Variants in SLC5A4 observed in about 807,000 individuals in gnomAD.
The protein encoded by SLC5A4 is solute carrier family 5 member 4, also known as probable glucose sensor protein SLC5A4.
A neutral mutation model predicts 70.3 loss-of-function variants in SLC5A4; 55 were observed. The observed-to-expected ratio is 0.78, with a 90% confidence interval of 0.63 to 0.98. The LOEUF is 0.98. SLC5A4 is among the 50% of genes least tolerant of loss of function. The pLI is 0.00. For synonymous variants in SLC5A4, 268 were observed against 305.7 expected (o/e 0.88, Z 1.29); for missense variants, 735 against 839.2 (o/e 0.88, Z 1.53).
chr22:32,323,523 G>A, the SLC5A4 span, among the ~76,000 whole-genome samples: 3 of 152,302 alleles, frequency 2.0e-5, no homozygotes, highest in Non-Finnish European at 4.4e-5. Context: ...CTCATTCTCA[G>A]CCCAGGACCT....
chr22:32,300,278 C>T, the SLC5A4 span, among the ~76,000 whole-genome samples: 2 of 124,006 alleles, frequency 1.6e-5, no homozygotes, highest in African/African-American at 3.0e-5. Flanking sequence ...GCAGTTTGAT[C>T]TCAGACTGCT....
rs548629730 is a variant in SLC5A4 at position 32,222,726 on chromosome 22, A to G, written c.1665+1541T>C. ...AGCTGTGCTGTATTTCAGGTTTCCCATCCACACATAATCTACTGGCCACTT... is the reference window on the plus strand; with the variant it reads ...AGCTGTGCTGTATTTCAGGTTTCCCGTCCACACATAATCTACTGGCCACTT... On this transcript the variant is annotated intron_variant, in intron 13 of 14. Coordinates refer to ENST00000266086, the MANE Select transcript of SLC5A4 (RefSeq NM_014227.3). 3.3e-5 allele frequency among the ~76,000 whole-genome samples: 5 copies of G among 152,290 alleles called. No homozygotes were observed. In the East Asian group the frequency reaches 9.6e-4, roughly 29 times the overall value.
At chr22:32,226,606 T>A in intron 11 of SLC5A4, among the ~76,000 whole-genome samples, 1 of 152,226 alleles carries the variant, frequency 6.6e-6, no homozygotes, top group East Asian at 1.9e-4. Context: ...CTAAATGTGA[T>A]AAACTATGGG....
the SLC5A4 span, among the ~76,000 whole-genome samples, chr22:32,339,477 C>A: frequency 1.1e-3 from 168 of 152,316 alleles, no homozygotes; most frequent in African/African-American, 3.9e-3. Flanking sequence ...CAGCTCACCC[C>A]TCTGCGGGTT....
At chr22:32,232,035 A>G (rs1232172288) in intron 9 of SLC5A4, among the ~76,000 whole-genome samples, 2 of 152,044 alleles carry the variant, frequency 1.3e-5, no homozygotes, top group South Asian at 2.1e-4. Context: ...ACACATCACC[A>G]TGCCTAGCTA....
chr22:32,218,772 G>T, intron 14 of SLC5A4, 47 bp from the exon 15 acceptor site: 1 of 1,432,582 alleles, frequency 7.0e-7, no homozygotes, highest in Non-Finnish European at 9.8e-7. Flanking sequence ...AGATCACAAA[G>T]GAACTAGAAA....
chr22:32,321,643 A>G, the SLC5A4 span, among the ~76,000 whole-genome samples: 1 of 152,052 alleles, frequency 6.6e-6, no homozygotes, highest in Admixed American at 6.5e-5. Context: ...AGTGGGCCCC[A>G]GTGTGTGTCC....
chr22:32,299,349 C>G, the SLC5A4 span, among the ~76,000 whole-genome samples: 1 of 148,012 alleles, frequency 6.8e-6, no homozygotes, highest in Non-Finnish European at 1.5e-5. Context: ...AGGCTTTGCT[C>G]ATTTCTTTTT....
In SLC5A4 at chr22:32,224,145, C is replaced by T. The variant is rs1925253923; in HGVS notation, c.1665+122G>A. 9 of 704,782 alleles carry T rather than the reference C, an allele frequency of 1.3e-5. No individual in the cohort carries two copies. The East Asian group carries it at 2.4e-4, about 19-fold the overall frequency. The allele number at this position is 704,782 out of a possible 1,614,324, so 43.7% of individuals were successfully genotyped here. ...CCGTGTTAACCAGGATGGTCTCCAT[C>T]TCCTGACCTCGTGATCCGCCCGCCT... is the stretch of plus-strand genomic sequence containing the variant. On this transcript the variant is annotated intron_variant, in intron 13 of 14. Coordinates refer to ENST00000266086, the MANE Select transcript of SLC5A4 (RefSeq NM_014227.3).
chr22:32,281,274 G>A, the SLC5A4 span, among the ~76,000 whole-genome samples: 4 of 152,278 alleles, frequency 2.6e-5, no homozygotes, highest in South Asian at 2.1e-4. Flanking sequence ...GTCCAGCTGC[G>A]GTTGGAATGT....
chr22:32,352,485 T>C, the SLC5A4 span, among the ~76,000 whole-genome samples: 1 of 151,504 alleles, frequency 6.6e-6, no homozygotes, highest in Non-Finnish European at 1.5e-5. Context: ...CCCAAACTTC[T>C]GTTAATAACA....
chr22:32,294,878 T>C, the SLC5A4 span, among the ~76,000 whole-genome samples: 2 of 94,132 alleles, frequency 2.1e-5, 1 homozygote, highest in Non-Finnish European at 4.4e-5. Context: ...TGTGGTCTCA[T>C]TGTTCAATTC....
At chr22:32,302,425 A>G in the SLC5A4 span, among the ~76,000 whole-genome samples, 1 of 152,140 alleles carries the variant, frequency 6.6e-6, no homozygotes, top group African/African-American at 2.4e-5. Flanking sequence ...ATATTTTCCC[A>G]AAGTTTTATA....
At chr22:32,229,830 T>C (rs780338817) in intron 10 of SLC5A4, among the ~76,000 whole-genome samples, 12 of 152,166 alleles carry the variant, frequency 7.9e-5, no homozygotes, top group Non-Finnish European at 1.6e-4. Flanking sequence ...AAATAAATGC[T>C]TGAGGGGACA....
chr22:32,338,180 ATG>A, the SLC5A4 span, among the ~76,000 whole-genome samples: 13 of 152,254 alleles, frequency 8.5e-5, no homozygotes, highest in African/African-American at 3.1e-4. Context: ...AGTAAACAGA[ATG>A]AGGGATGTAC....
chr22:32,330,402 C>T, the SLC5A4 span, among the ~76,000 whole-genome samples: 1 of 47,756 alleles, frequency 2.1e-5, no homozygotes, highest in Non-Finnish European at 3.6e-5. Flanking sequence ...TATTGGGGCT[C>T]TGGTGTGTTG....
chr22:32,225,856 A>G (rs1265920921), intron 11 of SLC5A4, 33 bp from the exon 12 acceptor site: 1 of 1,457,244 alleles, frequency 6.9e-7, no homozygotes, highest in Admixed American at 2.0e-5. Context: ...TAAACATTAA[A>G]CAAAAGCACT....
the SLC5A4 span, among the ~76,000 whole-genome samples, chr22:32,324,263 A>ATG: frequency 0.066 from 7,594 of 115,420 alleles, 356 homozygotes; most frequent in Admixed American, 0.17. Context: ...ATACACACAT[A>ATG]TATGTATATA....
the SLC5A4 span, among the ~76,000 whole-genome samples, chr22:32,326,103 C>A: frequency 6.6e-6 from 1 of 152,302 alleles, no homozygotes; most frequent in Non-Finnish European, 1.5e-5. Flanking sequence ...AATGCAGACC[C>A]TCTGTGACAA....
Sources: allele counts gnomAD v4.1 joint callset (sites outside exome capture counted in the v4.1 genomes callset), GRCh38; gene constraint gnomAD v4.1.1; transcripts MANE v1.5; gene names NCBI Gene and HGNC (gene_info 2026-07-23, HGNC 2026-07-21).